The following RIMBP2 variants were observed in gnomAD, a reference collection of about 807,000 sequenced individuals.
The protein encoded by RIMBP2 is RIMS binding protein 2.
RIMBP2 carries 48 observed loss-of-function variants against 118.6 expected under a neutral mutation model. That is an observed-to-expected ratio of 0.40 (90% CI 0.32 to 0.51). The LOEUF (loss-of-function observed/expected upper bound fraction) is 0.51. RIMBP2 is among the 20% of genes least tolerant of loss of function. The probability of loss-of-function intolerance (pLI) is 0.41; values close to 1 mark genes in which losing one functional copy is unlikely to be tolerated. For synonymous variants in RIMBP2, 762 were observed against 742.9 expected (o/e 1.03, Z -0.42); for missense variants, 1,551 against 1,768.3 (o/e 0.88, Z 2.20).
chr12:130,460,323 G>T (rs897124645), intron 6 of RIMBP2, among the ~76,000 whole-genome samples: 3 of 152,178 alleles, frequency 2.0e-5, no homozygotes, highest in African/African-American at 7.2e-5. Flanking sequence ...GCAAAGCGGC[G>T]CTCGCAGGAG....
intron 1 of RIMBP2, among the ~76,000 whole-genome samples, chr12:130,686,927 A>G (rs915489073): frequency 2.0e-5 from 3 of 152,144 alleles, no homozygotes; most frequent in African/African-American, 7.2e-5. Flanking sequence ...GTTTGCACCA[A>G]CTCATTTGCC....
In RIMBP2 at chr12:130,442,449, G is replaced by C. The variant is rs769658192; in HGVS notation, c.903C>G (p.Thr301=). The C allele has an allele frequency of 6.2e-7, 1 of 1,614,168 alleles. No individual in the cohort carries two copies. Among genetic ancestry groups the C allele is most frequent in the South Asian group, 1.1e-5 (1 of 91,072 alleles). ...CGATGTCGTCGATGTTCACGTCCAGGGTCCCGGCACTGTTGTCGGTGATGC... is the reference window on the plus strand; with the variant it reads ...CGATGTCGTCGATGTTCACGTCCAGCGTCCCGGCACTGTTGTCGGTGATGC... ...DAGITDNSAG[T]LDVNIDDIGE... is the part of the protein sequence containing the mutation. The change falls in exon 11 of 23, where the codon ACC becomes ACG. Residue 301 remains threonine (T), a synonymous_variant. Transcript: ENST00000690449. This position sits in a 1 kb window ranked among gnomAD's most constrained non-coding sequence, Gnocchi z 6.9.
intron 1 of RIMBP2, among the ~76,000 whole-genome samples, chr12:130,713,773 C>A (rs987042441): frequency 1.3e-5 from 2 of 152,220 alleles, no homozygotes; most frequent in Non-Finnish European, 2.9e-5. Context: ...CCGGGTCAGG[C>A]CCTCTGGTCC....
chr12:130,416,693 C>T (rs2076119037), intron 17 of RIMBP2, among the ~76,000 whole-genome samples: 1 of 152,172 alleles, frequency 6.6e-6, no homozygotes, highest in Admixed American at 6.5e-5. Flanking sequence ...ACCACAAAAA[C>T]AATTGCCACA....
chr12:130,606,141 A>G (rs1196058981), intron 2 of RIMBP2, among the ~76,000 whole-genome samples: 1 of 152,226 alleles, frequency 6.6e-6, no homozygotes, highest in Non-Finnish European at 1.5e-5. Context: ...TTTTGAAAGT[A>G]TGAACAATAA....
intron 2 of RIMBP2, among the ~76,000 whole-genome samples, chr12:130,540,002 C>G (rs1328526293): frequency 3.3e-4 from 29 of 88,226 alleles, no homozygotes; most frequent in Non-Finnish European, 5.7e-4. Context: ...ATGAGGTGGC[C>G]AGGTGTAGGA....
chr12:130,534,479 G>A (rs1325685419), intron 2 of RIMBP2, among the ~76,000 whole-genome samples: 1 of 152,160 alleles, frequency 6.6e-6, no homozygotes, highest in Non-Finnish European at 1.5e-5. Flanking sequence ...TTCTGGTTAT[G>A]CTAGAAGCTC....
At chr12:130,516,378 G>A (rs926368938) in intron 3 of RIMBP2, among the ~76,000 whole-genome samples, 4 of 152,246 alleles carry the variant, frequency 2.6e-5, no homozygotes, top group Admixed American at 2.6e-4. Context: ...TGAAGGTACA[G>A]GAGAGACAGT....
At chr12:130,529,754 C>T (rs940002277) in intron 2 of RIMBP2, among the ~76,000 whole-genome samples, 1 of 152,146 alleles carries the variant, frequency 6.6e-6, no homozygotes, top group Non-Finnish European at 1.5e-5. Context: ...TTTCCACAGA[C>T]TGGGGTGGGG....
chr12:130,615,495 G>A (rs1286511778), intron 2 of RIMBP2, among the ~76,000 whole-genome samples: 1 of 151,694 alleles, frequency 6.6e-6, no homozygotes, highest in Non-Finnish European at 1.5e-5. Flanking sequence ...GTTTTCAGTA[G>A]AGACGGGTTT....
At chr12:130,455,775 C>T (rs918728258) in intron 7 of RIMBP2, among the ~76,000 whole-genome samples, 11 of 151,628 alleles carry the variant, frequency 7.3e-5, no homozygotes, top group Non-Finnish European at 1.6e-4. Context: ...TTTTTTAAAC[C>T]AACTTCTTAA....
rs1407229924 is a variant in RIMBP2, at chr12:130,481,488, A to T, written c.-3-2472T>A. Among the ~76,000 whole-genome samples, 7 of 152,260 alleles carry T rather than the reference A, an allele frequency of 4.6e-5. No individual in the cohort carries two copies. The East Asian group carries it at 1.4e-3, about 29-fold the overall frequency. On this transcript the variant is annotated intron_variant, in intron 4 of 22. Transcript: ENST00000690449. ...CATTTTTAAGCTGAATAAACTCGGC[A>T]TCCTCTCTGCTGTCTCCAGAAGAGG...
rs533729204 is a variant in RIMBP2 at position 130,456,429 on chromosome 12, A to C, written c.358+67T>G. 39 of 1,411,908 alleles carry C rather than the reference A, an allele frequency of 2.8e-5. No individual in the cohort carries two copies. In the East Asian group the frequency reaches 8.8e-4, roughly 32 times the overall value. The allele number at this position is 1,411,908 out of a possible 1,614,324, so 87.5% of individuals were successfully genotyped here. A position where few individuals can be genotyped will look rare whatever the true frequency, so the allele number is the denominator to read the frequency against. On this transcript the variant is annotated intron_variant, in intron 7 of 22. Coordinates refer to ENST00000690449, the MANE Select transcript of RIMBP2 (RefSeq NM_001393629.1). Reference sequence around the variant, plus strand: ...CACCAAACCGATTTCACCTGTGCACACCCTCGCAGGCAGCCAACGGCCATT... The same window carrying C: ...CACCAAACCGATTTCACCTGTGCACCCCCTCGCAGGCAGCCAACGGCCATT...
intron 4 of RIMBP2, among the ~76,000 whole-genome samples, chr12:130,505,258 G>A (rs1347889059): frequency 1.3e-5 from 2 of 152,074 alleles, no homozygotes; most frequent in African/African-American, 4.8e-5. Context: ...AGAGAATAGG[G>A]CATCTTTCTT....
At chr12:130,535,789 A>T (rs535389106) in intron 2 of RIMBP2, among the ~76,000 whole-genome samples, 521 of 130,672 alleles carry the variant, frequency 4.0e-3, no homozygotes, top group Non-Finnish European at 6.8e-3. Context: ...ATATACACAT[A>T]TTTTTTTGAG....
intron 5 of RIMBP2, among the ~76,000 whole-genome samples, chr12:130,477,536 T>G (rs990241700): frequency 6.6e-6 from 1 of 152,172 alleles, no homozygotes; most frequent in South Asian, 2.1e-4. Flanking sequence ...TAATGAAATA[T>G]TGCTGCTCCG....
At chr12:130,527,107 C>T (rs1237733957) in intron 2 of RIMBP2, among the ~76,000 whole-genome samples, 2 of 152,138 alleles carry the variant, frequency 1.3e-5, no homozygotes, top group Non-Finnish European at 2.9e-5. Context: ...TGTGGAGGGA[C>T]CGTTGGGACT....
intron 3 of RIMBP2, among the ~76,000 whole-genome samples, chr12:130,509,766 A>G (rs541777976): frequency 2.3e-4 from 34 of 149,292 alleles, no homozygotes; most frequent in Admixed American, 1.2e-3. Flanking sequence ...CTTTGTTAGT[A>G]CTTTCTTTTC....
chr12:130,652,676 AC>A (rs2063276970), intron 1 of RIMBP2, among the ~76,000 whole-genome samples: 1 of 152,128 alleles, frequency 6.6e-6, no homozygotes, highest in Non-Finnish European at 1.5e-5. Context: ...ATAAAGAAAT[AC>A]CTGAACCTGG....
Sources: allele counts gnomAD v4.1 joint callset (sites outside exome capture counted in the v4.1 genomes callset), GRCh38; gene constraint gnomAD v4.1.1; non-coding constraint Gnocchi (gnomAD v3.1); transcripts MANE v1.5; gene names NCBI Gene and HGNC (gene_info 2026-07-23, HGNC 2026-07-21).